Variants in TBC1D5 observed in about 807,000 individuals in gnomAD.
The protein encoded by TBC1D5 is TBC1 domain family member 5.
TBC1D5 carries 75 observed loss-of-function variants against 100.3 expected under a neutral mutation model. The ratio of observed to expected loss-of-function variants is 0.75; its 90% confidence interval spans 0.62 to 0.91. The LOEUF is 0.91. Among genes scored for constraint, TBC1D5 ranks in the 40% least tolerant of loss-of-function variants. TBC1D5 has a pLI of 0.00. For synonymous variants in TBC1D5, 323 were observed against 325.6 expected, an observed-to-expected ratio of 0.99 and a Z score of 0.09; for missense variants, 910 against 942.4, an observed-to-expected ratio of 0.97 and a Z score of 0.45.
exon 3 of TBC1D5, chr3:17,508,511 G>T: frequency 6.2e-7 from 1 of 1,613,708 alleles, no homozygotes; most frequent in Non-Finnish European, 8.5e-7. Flanking sequence ...AGGGGTCAAT[G>T]CCTACTTCTT....
intron 1 of TBC1D5, among the ~76,000 whole-genome samples, chr3:17,640,783 A>T (rs2064423153): frequency 6.6e-6 from 1 of 152,106 alleles, no homozygotes; most frequent in Non-Finnish European, 1.5e-5. Flanking sequence ...ACTTGAAATA[A>T]AATATTTTCA....
At chr3:17,590,699 C>A (rs973143593) in intron 2 of TBC1D5, among the ~76,000 whole-genome samples, 3 of 152,068 alleles carry the variant, frequency 2.0e-5, no homozygotes, top group Non-Finnish European at 4.4e-5. Flanking sequence ...CAGTTGGATC[C>A]CGAGGTGGCA....
At chr3:17,419,854 ATATT>A (rs1244706373) in intron 4 of TBC1D5, among the ~76,000 whole-genome samples, 6 of 151,830 alleles carry the variant, frequency 4.0e-5, no homozygotes, top group African/African-American at 7.3e-5. Context: ...TTTTTTAAAA[ATATT>A]TATTTATTTA....
chr3:17,487,869 A>G (rs1208485268), intron 3 of TBC1D5, among the ~76,000 whole-genome samples: 4 of 152,170 alleles, frequency 2.6e-5, no homozygotes, highest in African/African-American at 9.6e-5. Flanking sequence ...AAACTGAACA[A>G]AAGTACAGTA....
At chr3:17,207,665 G>T (rs2072395364) in intron 18 of TBC1D5, among the ~76,000 whole-genome samples, 2 of 152,138 alleles carry the variant, frequency 1.3e-5, no homozygotes, top group Non-Finnish European at 2.9e-5. Context: ...TATAGAAAGG[G>T]TATGTGTGAT....
intron 1 of TBC1D5, among the ~76,000 whole-genome samples, chr3:17,641,843 A>G (rs1403198334): frequency 6.6e-6 from 1 of 152,166 alleles, no homozygotes; most frequent in African/African-American, 2.4e-5. Flanking sequence ...TCTATAAATA[A>G]AAAGTTAAAT....
chr3:17,488,013 C>T (rs1357049441), intron 3 of TBC1D5, among the ~76,000 whole-genome samples: 1 of 152,164 alleles, frequency 6.6e-6, no homozygotes, highest in African/African-American at 2.4e-5. Context: ...TTACATTAAG[C>T]TTCACTCTTT....
chr3:17,379,121 T>G (rs1385531994), intron 9 of TBC1D5, among the ~76,000 whole-genome samples: 2 of 151,814 alleles, frequency 1.3e-5, no homozygotes, highest in East Asian at 3.9e-4. Context: ...ATCTTGATGA[T>G]TCTATTTTTT....
chr3:17,463,031 T>C (rs986753382), intron 3 of TBC1D5, among the ~76,000 whole-genome samples: 1 of 152,152 alleles, frequency 6.6e-6, no homozygotes, highest in Non-Finnish European at 1.5e-5. Context: ...CCTGAAAGGT[T>C]TGGAATTTCA....
intron 1 of TBC1D5, among the ~76,000 whole-genome samples, chr3:17,690,003 T>C (rs1164409015): frequency 6.6e-6 from 1 of 151,916 alleles, no homozygotes; most frequent in African/African-American, 2.4e-5. Flanking sequence ...TAAAAGGATA[T>C]GAATAAAAGA....
intron 2 of TBC1D5, among the ~76,000 whole-genome samples, chr3:17,553,315 T>G (rs2096488947): frequency 6.6e-6 from 1 of 152,202 alleles, no homozygotes; most frequent in Non-Finnish European, 1.5e-5. Context: ...ATTTTTTACT[T>G]GTTACACTGG....
chr3:17,225,376 T>C (rs554875280), intron 17 of TBC1D5, among the ~76,000 whole-genome samples: 1 of 148,278 alleles, frequency 6.7e-6, no homozygotes, highest in Non-Finnish European at 1.5e-5. Flanking sequence ...GAGGTGGAGG[T>C]TGCAGTGAGC....
At position 17,406,870 on chromosome 3, in the gene TBC1D5, T is replaced by A. The variant is rs182039047; in HGVS notation, c.168-344A>T. 1.1e-3 allele frequency: 210 copies of A among 195,824 alleles called. 2 individuals are homozygous for A. Among genetic ancestry groups the A allele is most frequent in the African/African-American group, 4.6e-3 (200 of 43,308 alleles). 12.1% of individuals were successfully genotyped at this position (195,824 alleles called of 1,614,324 possible). ...TTTTAGCCAATGACAAAAACATACCTGCTCCAAAAATATGCAACAAAGAAG... is the reference window on the plus strand; with the variant it reads ...TTTTAGCCAATGACAAAAACATACCAGCTCCAAAAATATGCAACAAAGAAG... On this transcript the variant is annotated intron_variant, in intron 4 of 21. Transcript: ENST00000253692.
intron 4 of TBC1D5, among the ~76,000 whole-genome samples, chr3:17,415,213 G>A (rs545652465): frequency 1.3e-5 from 2 of 152,224 alleles, no homozygotes; most frequent in South Asian, 4.1e-4. Flanking sequence ...CTGGAGTGCA[G>A]TGGCGCTATC....
chr3:17,600,044 C>A (rs528374549), intron 2 of TBC1D5, among the ~76,000 whole-genome samples: 1 of 152,172 alleles, frequency 6.6e-6, no homozygotes. Flanking sequence ...AATTTGAATT[C>A]TCTGACTAAA....
At chr3:17,233,729 T>A (rs199919514) in intron 17 of TBC1D5, 2 of 1,545,750 alleles carry the variant, frequency 1.3e-6, no homozygotes, top group East Asian at 2.5e-5. Context: ...AACCTGAGCA[T>A]CGCTTCCTGT....
intron 1 of TBC1D5, among the ~76,000 whole-genome samples, chr3:17,693,586 G>A (rs941786041): frequency 1.3e-5 from 2 of 152,154 alleles, no homozygotes; most frequent in African/African-American, 4.8e-5. Context: ...CAGGAAGCTC[G>A]AACTGGGCGG....
intron 1 of TBC1D5, chr3:17,706,070 G>C: frequency 1.9e-6 from 3 of 1,599,334 alleles, no homozygotes; most frequent in South Asian, 1.1e-5. Flanking sequence ...GATTTCCCCC[G>C]ACCCCAGACT....
At chr3:17,408,981 A>T (rs1328684453) in intron 4 of TBC1D5, among the ~76,000 whole-genome samples, 4 of 152,264 alleles carry the variant, frequency 2.6e-5, no homozygotes, top group African/African-American at 9.6e-5. Context: ...ACGCATATAT[A>T]CTGATATCTC....
Sources: allele counts gnomAD v4.1 joint callset (sites outside exome capture counted in the v4.1 genomes callset), GRCh38; gene constraint gnomAD v4.1.1; transcripts MANE v1.5; gene names NCBI Gene and HGNC (gene_info 2026-07-23, HGNC 2026-07-21).